DIAPH3: variants seen among roughly 807,000 people sequenced by gnomAD.
The protein encoded by DIAPH3 is protein diaphanous homolog 3.
In DIAPH3, 117 loss-of-function variants were observed where a neutral mutation model predicts 144.3. The observed-to-expected ratio is 0.81, with a 90% CI of 0.70 to 0.95. The LOEUF (loss-of-function observed/expected upper bound fraction) is 0.95, where lower values mean the gene tolerates loss of function less well. Ranked by LOEUF, DIAPH3 falls within the 40% of genes least tolerant of loss-of-function variation. The pLI, the probability that DIAPH3 is intolerant of heterozygous loss-of-function variation, is 0.00. For missense variants in DIAPH3, 1,421 were observed against 1,412.7 expected (o/e 1.01, Z -0.09); for synonymous variants, 519 against 488.9 (o/e 1.06, Z -0.81).
At chr13:60,038,731 C>T (rs1324997773) in intron 5 of DIAPH3, among the ~76,000 whole-genome samples, 1 of 151,632 alleles carries the variant, frequency 6.6e-6, no homozygotes, top group Non-Finnish European at 1.5e-5. Context: ...AAAATAATGC[C>T]TAAAATTTCA....
chr13:59,883,144 C>A (rs2045197362), intron 20 of DIAPH3, among the ~76,000 whole-genome samples: 1 of 152,136 alleles, frequency 6.6e-6, no homozygotes, highest in Non-Finnish European at 1.5e-5. Context: ...GGCACAGGAG[C>A]CATAGCAGCT....
intron 7 of DIAPH3, among the ~76,000 whole-genome samples, chr13:60,011,062 G>A (rs549632500): frequency 3.6e-4 from 55 of 151,746 alleles, no homozygotes; most frequent in African/African-American, 5.1e-4. Flanking sequence ...CCAAGATCAC[G>A]CCATTGCACT....
intron 20 of DIAPH3, among the ~76,000 whole-genome samples, chr13:59,908,075 AAAGT>A (rs2046820324): frequency 6.6e-6 from 1 of 152,164 alleles, no homozygotes; most frequent in Non-Finnish European, 1.5e-5. Flanking sequence ...ATACATGATA[AAAGT>A]AAGACATATG....
chr13:59,889,393 A>G (rs1362419942), intron 20 of DIAPH3, among the ~76,000 whole-genome samples: 3 of 152,054 alleles, frequency 2.0e-5, no homozygotes, highest in Non-Finnish European at 4.4e-5. Context: ...ATACTATTAA[A>G]CCCACATACT....
At chr13:60,075,734 C>G (rs891372408) in intron 4 of DIAPH3, among the ~76,000 whole-genome samples, 10 of 152,264 alleles carry the variant, frequency 6.6e-5, no homozygotes, top group African/African-American at 2.4e-4. Flanking sequence ...TTCCACCATG[C>G]CAACTTTTCA....
chr13:59,810,081 T>C (rs1191905403), intron 25 of DIAPH3, among the ~76,000 whole-genome samples: 1 of 152,184 alleles, frequency 6.6e-6, no homozygotes, highest in Admixed American at 6.5e-5. Flanking sequence ...CTCTAAAAGA[T>C]ACTTTGAAAC....
rs76710832 is a variant in DIAPH3 at position 59,835,105 on chromosome 13, T to C, written c.2863-1834A>G. On this transcript the variant is annotated intron_variant, in intron 23 of 27. Coordinates refer to ENST00000400324, the MANE Select transcript of DIAPH3 (RefSeq NM_001042517.2). The stretch of plus-strand genomic sequence containing the variant: ...ACAGTTCTGTCACTGAGGATGCCCA[T>C]AACTTCCATTAACATACTTTATAAG... Among the ~76,000 whole-genome samples the C allele has an allele frequency of 9.6e-3, 1,463 of 151,906 alleles. 14 individuals carry two copies. The highest frequency in any genetic ancestry group is 0.027 in the Middle Eastern group (8 of 294).
intron 27 of DIAPH3, among the ~76,000 whole-genome samples, chr13:59,765,708 AT>A (rs35328969): frequency 5.3e-5 from 8 of 151,476 alleles, no homozygotes; most frequent in South Asian, 4.2e-4. Flanking sequence ...AACTACTGCT[AT>A]TTTTTTTTAA....
chr13:59,850,160 C>T (rs1370552039), intron 22 of DIAPH3, among the ~76,000 whole-genome samples: 2 of 152,088 alleles, frequency 1.3e-5, no homozygotes, highest in Non-Finnish European at 2.9e-5. Context: ...GATTTTTGTA[C>T]ATTGATTTTG....
At chr13:60,016,256 C>G in intron 5 of DIAPH3, 111 bp from the exon 6 acceptor site, 2 of 965,208 alleles carry the variant, frequency 2.1e-6, no homozygotes, top group Admixed American at 4.4e-5. Flanking sequence ...GTAACTAAAA[C>G]ATAAGAATAA....
intron 25 of DIAPH3, among the ~76,000 whole-genome samples, chr13:59,784,767 C>G (rs1379264848): frequency 3.3e-5 from 5 of 151,986 alleles, no homozygotes; most frequent in African/African-American, 1.2e-4. Context: ...ACAGTTTCCC[C>G]AAAGGTTGAA....
chr13:60,104,566 G>GCACACACACACACA (rs10633554), intron 3 of DIAPH3, among the ~76,000 whole-genome samples: 105 of 147,122 alleles, frequency 7.1e-4, no homozygotes, highest in African/African-American at 1.7e-3. Flanking sequence ...CAGTATCAAG[G>GCACACACACACACA]CACACACACA....
chr13:59,740,637 T>C (rs1271939080), intron 27 of DIAPH3, among the ~76,000 whole-genome samples: 4 of 152,182 alleles, frequency 2.6e-5, no homozygotes, highest in African/African-American at 7.2e-5. Flanking sequence ...GCAAACTTAA[T>C]TTTAACTTAG....
intron 27 of DIAPH3, among the ~76,000 whole-genome samples, chr13:59,736,762 C>T (rs1285695086): frequency 2.0e-5 from 3 of 152,120 alleles, no homozygotes; most frequent in African/African-American, 7.2e-5. Flanking sequence ...TCAAACTATA[C>T]AACAGGGCCA....
chr13:59,756,452 G>A (rs567310344), intron 27 of DIAPH3, among the ~76,000 whole-genome samples: 8 of 142,024 alleles, frequency 5.6e-5, no homozygotes, highest in Non-Finnish European at 1.1e-4. Context: ...AAAGAAGGAA[G>A]GAAGGAAGGA....
chr13:59,881,937 GGTCACCT>G (rs2045081001), intron 20 of DIAPH3, among the ~76,000 whole-genome samples: 1 of 152,136 alleles, frequency 6.6e-6, no homozygotes, highest in Non-Finnish European at 1.5e-5. Flanking sequence ...GAACTTGAAA[GGTCACCT>G]GGAGAAGGTG....
At chr13:59,755,946 C>T (rs963912507) in intron 27 of DIAPH3, among the ~76,000 whole-genome samples, 3 of 152,102 alleles carry the variant, frequency 2.0e-5, no homozygotes, top group Admixed American at 6.6e-5. Context: ...ATATATGGCT[C>T]ACAAAGACTA....
At chr13:59,718,733 T>C (rs2035189748) in intron 27 of DIAPH3, among the ~76,000 whole-genome samples, 1 of 152,210 alleles carries the variant, frequency 6.6e-6, no homozygotes, top group Non-Finnish European at 1.5e-5. Flanking sequence ...TATTTCTTTT[T>C]TTTAAGGAAC....
intron 4 of DIAPH3, among the ~76,000 whole-genome samples, chr13:60,049,797 T>C (rs553977724): frequency 9.8e-5 from 15 of 152,296 alleles, no homozygotes; most frequent in African/African-American, 3.4e-4. Flanking sequence ...CATGGTACCA[T>C]CTACTTAGAT....
Sources: allele counts gnomAD v4.1 joint callset (sites outside exome capture counted in the v4.1 genomes callset), GRCh38; gene constraint gnomAD v4.1.1; transcripts MANE v1.5; gene names NCBI Gene and HGNC (gene_info 2026-07-23, HGNC 2026-07-21).